PCDHA2: variants seen among roughly 807,000 people sequenced by gnomAD.
The protein encoded by PCDHA2 is protocadherin alpha 2.
A neutral mutation model predicts 66.0 loss-of-function variants in PCDHA2; 58 were observed. That is an observed-to-expected ratio of 0.88 (90% confidence interval 0.71 to 1.09). The LOEUF is 1.09. PCDHA2 is among the 50% of genes least tolerant of loss of function. PCDHA2 has a pLI of 0.00. For missense variants in PCDHA2, 1,267 were observed against 1,242.3 expected, an observed-to-expected ratio of 1.02 and a Z score of -0.30; for synonymous variants, 634 against 554.0, an observed-to-expected ratio of 1.14 and a Z score of -2.03.
At chr5:140,954,592 T>G (rs1250050362) in intron 1 of PCDHA2, among the ~76,000 whole-genome samples, 13 of 152,236 alleles carry the variant, frequency 8.5e-5, no homozygotes, top group Non-Finnish European at 5.9e-5. Flanking sequence ...TCTGTTCATG[T>G]TCTTTGCCCA....
In PCDHA2 at chr5:140,849,449, C is replaced by T. The variant is rs200997092; in HGVS notation, c.2388+52097C>T. 81 of 1,586,124 alleles carry T rather than the reference C, an allele frequency of 5.1e-5. 9 individuals carry two copies. The highest frequency in any genetic ancestry group is 3.8e-4 in the Middle Eastern group (2 of 5,312). On this transcript the variant is annotated intron_variant, in intron 1 of 3. Coordinates refer to ENST00000526136, the MANE Select transcript of PCDHA2 (RefSeq NM_018905.3). ...TTGAAGAAAGTAGAGCACACAAGAT[C>T]CCAGTCGAGGCTGTCGATAAAGGCT...
chr5:140,929,064 T>A (rs550251743), intron 1 of PCDHA2: 1 of 1,614,162 alleles, frequency 6.2e-7, no homozygotes, highest in South Asian at 1.1e-5. Context: ...CTACAGAGGA[T>A]CTGAGGTATG....
chr5:140,809,691 T>C (rs1453613485), intron 1 of PCDHA2: 26 of 1,253,618 alleles, frequency 2.1e-5, no homozygotes, highest in Non-Finnish European at 2.6e-5. Flanking sequence ...TTTTTACATA[T>C]CCATTTTAAC....
Position 140,850,119 on chromosome 5 carries a change from G to T in PCDHA2, c.2388+52767G>T, listed in dbSNP as rs2150468632. On this transcript the variant is annotated intron_variant, in intron 1 of 3. Coordinates refer to ENST00000526136, the MANE Select transcript of PCDHA2 (RefSeq NM_018905.3). ...CCAGGTGAGCGCGCGCGACGCGGGC[G>T]TGCCGCCTCTGGGCAGCAACGTGAC... is the stretch of plus-strand genomic sequence containing the variant. The T allele has an allele frequency of 1.1e-5, 17 of 1,596,076 alleles. No homozygotes were observed. The Admixed American group carries it at 1.9e-4, about 17-fold the overall frequency.
intron 1 of PCDHA2, chr5:140,884,197 G>A (rs146010500): frequency 3.1e-6 from 5 of 1,613,234 alleles, no homozygotes; most frequent in Non-Finnish European, 4.2e-6. Context: ...TGGACGCGCC[G>A]CACCACCGCC....
intron 1 of PCDHA2, among the ~76,000 whole-genome samples, chr5:140,924,916 T>A (rs551375956): frequency 7.0e-4 from 85 of 122,004 alleles, no homozygotes; most frequent in East Asian, 2.6e-3. Context: ...TAAAATAAAA[T>A]AAAATAAAAT....
At chr5:140,913,523 T>G (rs2076374733) in intron 1 of PCDHA2, among the ~76,000 whole-genome samples, 2 of 152,156 alleles carry the variant, frequency 1.3e-5, no homozygotes, top group Admixed American at 6.5e-5. Context: ...TATTTATCTT[T>G]TCAAAAGATT....
chr5:140,918,115 A>T (rs185486488), intron 1 of PCDHA2, among the ~76,000 whole-genome samples: 1 of 152,080 alleles, frequency 6.6e-6, no homozygotes, highest in East Asian at 1.9e-4. Context: ...CACATCCTTG[A>T]TTAGCCATAT....
chr5:140,948,318 A>G (rs1423632599), intron 1 of PCDHA2, among the ~76,000 whole-genome samples: 1 of 151,520 alleles, frequency 6.6e-6, no homozygotes, highest in Non-Finnish European at 1.5e-5. Flanking sequence ...TTGAGGGGTA[A>G]TGTTTTCATT....
intron 1 of PCDHA2, chr5:140,802,185 A>G (rs782672395): frequency 5.6e-6 from 9 of 1,614,116 alleles, no homozygotes; most frequent in African/African-American, 2.7e-5. Flanking sequence ...AAATCCCCCA[A>G]TGTCAGATCA....
chr5:140,884,610 G>A (rs1554181783), intron 1 of PCDHA2: 1 of 1,614,138 alleles, frequency 6.2e-7, no homozygotes, highest in South Asian at 1.1e-5. Context: ...CCTTGTCTGG[G>A]TTCTGCAGAG....
intron 1 of PCDHA2, among the ~76,000 whole-genome samples, chr5:140,900,338 C>T (rs145242611): frequency 0.027 from 4,159 of 152,082 alleles, 89 homozygotes; most frequent in Non-Finnish European, 0.044. Flanking sequence ...AGTACCGTGG[C>T]GCAATCTTGG....
chr5:140,871,567 AT>A (rs1441824086), intron 1 of PCDHA2: 5 of 1,483,054 alleles, frequency 3.4e-6, no homozygotes, highest in African/African-American at 1.4e-5. Context: ...TTTTTCACGG[AT>A]TTTTTAAGGG....
intron 1 of PCDHA2, chr5:140,850,180 C>G: frequency 6.3e-7 from 1 of 1,593,798 alleles, no homozygotes; most frequent in African/African-American, 1.3e-5. Flanking sequence ...AACGACAATG[C>G]GCCGGCGCTG....
intron 1 of PCDHA2, chr5:140,929,043 C>T: frequency 6.2e-7 from 1 of 1,614,196 alleles, no homozygotes; most frequent in South Asian, 1.1e-5. Flanking sequence ...GCGCTCAGAG[C>T]TGCTGTCGCT....
chr5:140,990,199 G>A (rs1308811962), intron 3 of PCDHA2, among the ~76,000 whole-genome samples: 1 of 152,132 alleles, frequency 6.6e-6, no homozygotes, highest in East Asian at 1.9e-4. Context: ...ATGTGGACCC[G>A]AAAGAGAACA....
intron 1 of PCDHA2, chr5:140,926,562 C>CT (rs1271947865): frequency 1.6e-5 from 4 of 250,352 alleles, no homozygotes; most frequent in African/African-American, 8.9e-5. Context: ...CAGCCCGCTG[C>CT]TACTGGAGAC....
chr5:140,882,265 T>A (rs782012488), intron 1 of PCDHA2: 2 of 1,609,948 alleles, frequency 1.2e-6, no homozygotes, highest in African/African-American at 2.7e-5. Flanking sequence ...TTTTGGAGTG[T>A]ACCATGCTGT....
At chr5:140,801,203 G>A in intron 1 of PCDHA2, 2 of 1,599,228 alleles carry the variant, frequency 1.3e-6, no homozygotes, top group Non-Finnish European at 1.7e-6. Flanking sequence ...TTGCAATGTT[G>A]TTCTCCTGGC....
Sources: allele counts gnomAD v4.1 joint callset (sites outside exome capture counted in the v4.1 genomes callset), GRCh38; gene constraint gnomAD v4.1.1; transcripts MANE v1.5; gene names NCBI Gene and HGNC (gene_info 2026-07-23, HGNC 2026-07-21).